LARP4B: variants seen among roughly 807,000 people sequenced by gnomAD.
LARP4B encodes the protein La ribonucleoprotein 4B.
LARP4B carries 12 observed loss-of-function variants against 89.8 expected under a neutral mutation model. The observed-to-expected ratio is 0.13, with a 90% confidence interval of 0.09 to 0.22. The LOEUF is 0.22. Ranked by LOEUF, LARP4B falls within the 10% of genes least tolerant of loss-of-function variation. The pLI is 1.00. For synonymous variants in LARP4B, 367 were observed against 363.3 expected, an observed-to-expected ratio of 1.01 and a Z score of -0.12; for missense variants, 757 against 947.7, an observed-to-expected ratio of 0.80 and a Z score of 2.64.
At chr10:932,258 A>C (rs1200036738), upstream of LARP4B, among the ~76,000 whole-genome samples, 1 of 121,924 alleles carries the variant, frequency 8.2e-6, no homozygotes, top group Non-Finnish European at 1.7e-5. Flanking sequence ...CCCTTCCCCG[A>C]ACTCCCACCC....
chr10:824,688 T>A (rs928892270), intron 13 of LARP4B, among the ~76,000 whole-genome samples: 1 of 152,236 alleles, frequency 6.6e-6, no homozygotes, highest in African/African-American at 2.4e-5. Flanking sequence ...CTGCAGTGCC[T>A]GGTGCACACC....
At chr10:972,968 G>A in the LARP4B span, 14 of 435,116 alleles carry the variant, frequency 3.2e-5, no homozygotes, top group African/African-American at 1.4e-4. Flanking sequence ...GTTCCTCCCC[G>A]TGCAGTAGGC....
chr10:885,842 T>C, intron 1 of LARP4B, 82 bp from the exon 2 acceptor site: 1 of 678,474 alleles, frequency 1.5e-6, no homozygotes. Flanking sequence ...CCTCAAGTTT[T>C]CCAGGACACA....
the LARP4B span, among the ~76,000 whole-genome samples, chr10:954,433 G>A: frequency 6.6e-6 from 1 of 152,312 alleles, no homozygotes; most frequent in African/African-American, 2.4e-5. This position sits in a 1 kb window ranked among gnomAD's most constrained non-coding sequence, Gnocchi z 5.0. Flanking sequence ...AGTGGTGAAT[G>A]TGATGGAAAG....
chr10:971,488 G>C, the LARP4B span: 3 of 152,172 alleles, frequency 2.0e-5, no homozygotes, highest in Non-Finnish European at 4.4e-5. Flanking sequence ...TCCTCAATTT[G>C]TAAAGATTTC....
chr10:879,583 G>A (rs1458774608), intron 3 of LARP4B, among the ~76,000 whole-genome samples: 6 of 151,218 alleles, frequency 4.0e-5, no homozygotes, highest in Admixed American at 3.3e-4. Flanking sequence ...CTGCAGCCTC[G>A]ACCTGCTGGG....
chr10:985,987 C>T, the LARP4B span: 123 of 152,308 alleles, frequency 8.1e-4, no homozygotes, highest in African/African-American at 2.6e-3. Flanking sequence ...TGAATGAGTT[C>T]CTGTGGGGAT....
At chr10:919,449 G>C (rs1489145636) in intron 1 of LARP4B, among the ~76,000 whole-genome samples, 1 of 151,962 alleles carries the variant, frequency 6.6e-6, no homozygotes, top group East Asian at 1.9e-4. Flanking sequence ...CTGTCACCAA[G>C]ACTCAGTTTC....
the LARP4B span, among the ~76,000 whole-genome samples, chr10:979,985 A>C: frequency 6.6e-6 from 1 of 152,236 alleles, no homozygotes; most frequent in Admixed American, 6.5e-5. Context: ...TCCAAGACAC[A>C]GTGGAGATAT....
intron 3 of LARP4B, among the ~76,000 whole-genome samples, chr10:868,510 G>C (rs964843835): frequency 6.6e-6 from 1 of 152,062 alleles, no homozygotes; most frequent in African/African-American, 2.4e-5. Flanking sequence ...TAATGGAAAA[G>C]CTAATTTAAA....
the LARP4B span, among the ~76,000 whole-genome samples, chr10:947,842 C>T: frequency 2.6e-5 from 4 of 152,072 alleles, no homozygotes; most frequent in Non-Finnish European, 4.4e-5. Context: ...AGGCTGGTCT[C>T]GAACTTCTGA....
intron 6 of LARP4B, among the ~76,000 whole-genome samples, chr10:844,747 A>C (rs1833691579): frequency 6.7e-6 from 1 of 149,126 alleles, no homozygotes; most frequent in African/African-American, 2.5e-5. Flanking sequence ...GGGGCACTTT[A>C]GACGCATTCC....
At chr10:885,616 C>T in intron 2 of LARP4B, 25 bp downstream of exon 2, 2 of 1,589,970 alleles carry the variant, frequency 1.3e-6, no homozygotes, top group East Asian at 2.2e-5. Context: ...ATGGACTCCC[C>T]ACCACCCCAT....
chr10:815,068 G>C lies in LARP4B; in HGVS notation c.1698C>G (p.Thr566=). The change falls in exon 16 of 18, where the codon ACC becomes ACG. Residue 566 remains threonine (T), a splice_region_variant and synonymous_variant. Coordinates refer to ENST00000316157, the MANE Select transcript of LARP4B (RefSeq NM_015155.3). ...TGTTCACGCTTGCGTCTGCACTGAG[G>C]GTCTGAAACAGGGTCAAGAGTGTTC... ...SLIIGPSKER[T]LSADASVNTL... The C allele has an allele frequency of 6.4e-7, 1 of 1,570,678 alleles. No homozygotes were observed. The highest frequency in any genetic ancestry group is 1.2e-5 in the South Asian group (1 of 84,850).
intron 5 of LARP4B, among the ~76,000 whole-genome samples, chr10:860,031 G>C (rs187545363): frequency 6.9e-6 from 1 of 145,616 alleles, no homozygotes; most frequent in East Asian, 2.1e-4. Context: ...TAGACTCCAG[G>C]TAATAATGAT....
chr10:983,292 T>C, the LARP4B span, among the ~76,000 whole-genome samples: 3 of 152,206 alleles, frequency 2.0e-5, no homozygotes. Flanking sequence ...TTCATTCCCC[T>C]TTCCTCAGCA....
In LARP4B at chr10:916,226, A is replaced by T. The variant is rs559945814; in HGVS notation, c.-40+15202T>A. On this transcript the variant is annotated intron_variant, in intron 1 of 17. Coordinates refer to ENST00000316157, the MANE Select transcript of LARP4B (RefSeq NM_015155.3). ...TGTTAAATTGTTGTATGCCACAAAA[A>T]TAACCAAATTTCCTTGTAAATTGTG... Among the ~76,000 whole-genome samples, 44 of 152,324 alleles carry T rather than the reference A, an allele frequency of 2.9e-4. No individual in the cohort carries two copies. The South Asian group carries it at 8.9e-3, about 31-fold the overall frequency.
At chr10:892,455 C>A (rs928569497) in intron 1 of LARP4B, among the ~76,000 whole-genome samples, 3 of 152,078 alleles carry the variant, frequency 2.0e-5, no homozygotes, top group African/African-American at 7.2e-5. Flanking sequence ...TCTAGACACA[C>A]AAGACAATCT....
chr10:910,825 C>A (rs1386170668), intron 1 of LARP4B, among the ~76,000 whole-genome samples: 1 of 152,124 alleles, frequency 6.6e-6, no homozygotes, highest in Non-Finnish European at 1.5e-5. Flanking sequence ...CATTTGTGAC[C>A]AACTCCTGTT....
Sources: allele counts gnomAD v4.1 joint callset (sites outside exome capture counted in the v4.1 genomes callset), GRCh38; gene constraint gnomAD v4.1.1; non-coding constraint Gnocchi (gnomAD v3.1); transcripts MANE v1.5; gene names NCBI Gene and HGNC (gene_info 2026-07-23, HGNC 2026-07-21).